The following SLC22A25 variants were observed in gnomAD, a reference collection of about 807,000 sequenced individuals.
SLC22A25 encodes MGI:2442751, MGI:2385316, MGI:3042283, MGI:3645714, MGI:3605624, MGI:2442750.
In SLC22A25, 44 loss-of-function variants were observed where a neutral mutation model predicts 45.9. The ratio of observed to expected loss-of-function variants is 0.96; its 90% CI spans 0.75 to 1.23. SLC22A25 has a LOEUF of 1.23. Among genes scored for constraint, SLC22A25 ranks in the 50% most tolerant of loss-of-function variants. The pLI is 0.00. For missense variants in SLC22A25, 800 were observed against 666.4 expected (o/e 1.20, Z -2.21); for synonymous variants, 283 against 238.6 (o/e 1.19, Z -1.72).
chr11:63,210,937 T>G (rs2089541067), intron 7 of SLC22A25, among the ~76,000 whole-genome samples: 1 of 152,124 alleles, frequency 6.6e-6, no homozygotes, highest in Admixed American at 6.5e-5. Flanking sequence ...CAAATTTCCT[T>G]TATACCTAAA....
intron 5 of SLC22A25, among the ~76,000 whole-genome samples, chr11:63,226,905 ATCTG>A (rs1259551822): frequency 6.6e-6 from 1 of 152,168 alleles, no homozygotes; most frequent in East Asian, 1.9e-4. Flanking sequence ...CAGAAGAGGA[ATCTG>A]TCTGTGTGTC....
At chr11:63,176,381 T>C (rs1159031295) in intron 9 of SLC22A25, among the ~76,000 whole-genome samples, 7 of 152,018 alleles carry the variant, frequency 4.6e-5, no homozygotes, top group Non-Finnish European at 2.9e-5. Flanking sequence ...GTTTTGTTTA[T>C]TTCATCAATG....
At chr11:63,192,552 TA>T (rs1178709152) in intron 7 of SLC22A25, among the ~76,000 whole-genome samples, 2 of 152,000 alleles carry the variant, frequency 1.3e-5, no homozygotes, top group African/African-American at 2.4e-5. Context: ...GAAATCTGGA[TA>T]AAAAAACAAG....
chr11:63,211,339 G>A (rs1256095178), intron 7 of SLC22A25, among the ~76,000 whole-genome samples: 1 of 152,124 alleles, frequency 6.6e-6, no homozygotes, highest in African/African-American at 2.4e-5. Context: ...GTGAATACAG[G>A]CCAGTGCAGG....
At chr11:63,221,388 G>A (rs1388146716) in intron 5 of SLC22A25, among the ~76,000 whole-genome samples, 1 of 152,076 alleles carries the variant, frequency 6.6e-6, no homozygotes, top group African/African-American at 2.4e-5. Context: ...ATGATGTTGA[G>A]CACATTTTCA....
At chr11:63,178,547 A>AT (rs577544438) in intron 9 of SLC22A25, among the ~76,000 whole-genome samples, 125 of 150,348 alleles carry the variant, frequency 8.3e-4, no homozygotes, top group Non-Finnish European at 1.7e-3. Context: ...TTTAATTTAC[A>AT]TTTTTTCTGG....
chr11:63,173,053 T>A (rs778315733), intron 9 of SLC22A25, among the ~76,000 whole-genome samples: 1 of 151,968 alleles, frequency 6.6e-6, no homozygotes, highest in Non-Finnish European at 1.5e-5. Context: ...AAAAGATGAG[T>A]TCCTGTCCCT....
chr11:63,208,078 A>C (rs2089456069), intron 7 of SLC22A25: 1 of 152,242 alleles, frequency 6.6e-6, no homozygotes, highest in Non-Finnish European at 1.5e-5. Flanking sequence ...CTGGGGACTC[A>C]TCCAGGATTG....
chr11:63,228,168 T>G (rs541377990), intron 5 of SLC22A25, among the ~76,000 whole-genome samples: 2 of 152,220 alleles, frequency 1.3e-5, no homozygotes, highest in Non-Finnish European at 1.5e-5. Context: ...GGACAATCAG[T>G]GGAAGCTTCT....
intron 7 of SLC22A25, among the ~76,000 whole-genome samples, chr11:63,216,760 A>C (rs2089721809): frequency 6.6e-6 from 1 of 152,352 alleles, no homozygotes; most frequent in East Asian, 1.9e-4. Flanking sequence ...ACGAATCCTC[A>C]TTATGCAAGT....
At position 63,243,520 on chromosome 11, in the gene SLC22A25, C is replaced by T; in HGVS notation, c.-1082G>A. Reference sequence around the variant, plus strand: ...TCTGCATGTTCCTGGCCTCCAGGCTCAAAGAGTCCAGCCCACTGACTGCCA... The same window carrying T: ...TCTGCATGTTCCTGGCCTCCAGGCTTAAAGAGTCCAGCCCACTGACTGCCA... On this transcript the variant is annotated 5_prime_UTR_variant, in exon 1 of 12. Coordinates refer to ENST00000306494, the MANE Select transcript of SLC22A25 (RefSeq NM_199352.6). 1 of 762,062 alleles carries T rather than the reference C, an allele frequency of 1.3e-6. No homozygotes were observed. Among genetic ancestry groups the T allele is most frequent in the Non-Finnish European group, 2.5e-6 (1 of 407,292 alleles). The allele number at this position is 762,062 out of a possible 1,614,324, so 47.2% of individuals were successfully genotyped here. A position where few individuals can be genotyped will look rare whatever the true frequency, so the allele number is the denominator to read the frequency against.
chr11:63,210,708 G>T (rs2089534763), intron 7 of SLC22A25, among the ~76,000 whole-genome samples: 1 of 152,084 alleles, frequency 6.6e-6, no homozygotes, highest in Non-Finnish European at 1.5e-5. Context: ...TTTTTTGGTT[G>T]ATACTGGTGC....
chr11:63,235,347 T>G (rs1402097510), intron 3 of SLC22A25, among the ~76,000 whole-genome samples: 1 of 152,214 alleles, frequency 6.6e-6, no homozygotes, highest in African/African-American at 2.4e-5. Context: ...TCATTTGTTT[T>G]TATTCTTTTT....
chr11:63,192,799 T>G (rs1341847341), intron 7 of SLC22A25, among the ~76,000 whole-genome samples: 1 of 152,228 alleles, frequency 6.6e-6, no homozygotes, highest in East Asian at 1.9e-4. Flanking sequence ...ATCTTAAATA[T>G]GTATGCATCC....
chr11:63,208,722 G>T (rs555410460), intron 7 of SLC22A25, among the ~76,000 whole-genome samples: 1 of 152,266 alleles, frequency 6.6e-6, no homozygotes, highest in South Asian at 2.1e-4. Flanking sequence ...AGGAGGCATA[G>T]ATCCCTTAGC....
At chr11:63,175,825 G>GTATATATATATATATATATATA (rs5792280) in intron 9 of SLC22A25, among the ~76,000 whole-genome samples, 73 of 150,316 alleles carry the variant, frequency 4.9e-4, no homozygotes, top group African/African-American at 1.6e-3. Flanking sequence ...AATTGGGTGT[G>GTATATATATATATATATATATA]TATATATATA....
In SLC22A25 at chr11:63,234,058, A is replaced by G. The variant is rs541860986; in HGVS notation, c.-445+3823T>C. Among the ~76,000 whole-genome samples, 4 of 152,314 alleles carry G rather than the reference A, an allele frequency of 2.6e-5. No homozygotes were observed. The East Asian group carries it at 7.7e-4, about 29-fold the overall frequency. On this transcript the variant is annotated intron_variant, in intron 3 of 11. Transcript: ENST00000306494. ...GCTGAGGAGAGCTTTACTTCCAACT[A>G]TGTGGTCAACTTTTGGAATAGGAGT...
chr11:63,171,039 G>A (rs764140631), intron 9 of SLC22A25, among the ~76,000 whole-genome samples: 12 of 152,128 alleles, frequency 7.9e-5, no homozygotes, highest in South Asian at 4.2e-4. Flanking sequence ...AATCCATCAC[G>A]TAAACAGAAT....
intron 3 of SLC22A25, among the ~76,000 whole-genome samples, chr11:63,234,963 G>C (rs560597105): frequency 5.9e-5 from 9 of 152,146 alleles, no homozygotes; most frequent in Admixed American, 3.9e-4. Flanking sequence ...TCGAATATTG[G>C]CCCCCCCTCT....
Sources: gnomAD v4.1 joint callset for allele counts (sites outside exome capture counted in the v4.1 genomes callset) on GRCh38, gnomAD v4.1.1 for gene constraint, MANE v1.5 for transcripts, NCBI Gene and HGNC (gene_info 2026-07-23, HGNC 2026-07-21) for gene names.